SCAF11: variants seen among roughly 807,000 people sequenced by gnomAD.
SCAF11 encodes the protein SR-related CTD associated factor 11.
Under a neutral mutation model 140.5 loss-of-function variants are expected in SCAF11, and 47 were observed. The ratio of observed to expected loss-of-function variants is 0.33; its 90% confidence interval spans 0.26 to 0.43. The LOEUF (loss-of-function observed/expected upper bound fraction) is 0.43. SCAF11 is among the 20% of genes least tolerant of loss of function. The probability of loss-of-function intolerance (pLI) is 1.00; values close to 1 mark genes in which losing one functional copy is unlikely to be tolerated. For synonymous variants in SCAF11, 557 were observed against 579.4 expected (o/e 0.96, Z 0.55); for missense variants, 1,645 against 1,705.1 (o/e 0.96, Z 0.62).
intron 7 of SCAF11, 58 bp downstream of exon 7, chr12:45,934,389 C>A: frequency 7.2e-7 from 1 of 1,397,802 alleles, no homozygotes; most frequent in East Asian, 2.3e-5. Context: ...TATTTATGGA[C>A]TAAATAACCC....
At chr12:45,985,442 C>A (rs1457676281) in intron 1 of SCAF11, among the ~76,000 whole-genome samples, 1 of 152,146 alleles carries the variant, frequency 6.6e-6, no homozygotes, top group East Asian at 1.9e-4. Flanking sequence ...TTTTACCATT[C>A]TGTTTGAGCT....
rs750526320 is a variant in SCAF11 at position 45,948,432 on chromosome 12, C to G, written c.398+5G>C. On this transcript the variant is annotated splice_donor_5th_base_variant and intron_variant, in intron 5 of 14. Coordinates refer to ENST00000369367, the MANE Select transcript of SCAF11 (RefSeq NM_004719.3). ...TGCATTCCACTTCTAAAGTTAATCA[C>G]TAACCTTATACAGCTTTTAGAATTT... 6.3e-7 allele frequency: 1 copy of G among 1,577,656 alleles called. No homozygotes were observed. Among genetic ancestry groups the G allele is most frequent in the Non-Finnish European group, 8.7e-7 (1 of 1,150,756 alleles).
intron 1 of SCAF11, among the ~76,000 whole-genome samples, chr12:45,970,465 C>T (rs1029667918): frequency 6.6e-6 from 1 of 152,208 alleles, no homozygotes; most frequent in African/African-American, 2.4e-5. Flanking sequence ...CCATGACAGA[C>T]CCTACTATGG....
chr12:45,931,025 G>A (rs747411137), intron 10 of SCAF11: 1 of 152,100 alleles, frequency 6.6e-6, no homozygotes, highest in Non-Finnish European at 1.5e-5. Flanking sequence ...TTGATCTTTA[G>A]AACTTATTCT....
At chr12:45,976,536 AG>A (rs1275392655) in intron 1 of SCAF11, among the ~76,000 whole-genome samples, 1 of 152,136 alleles carries the variant, frequency 6.6e-6, no homozygotes, top group Non-Finnish European at 1.5e-5. Flanking sequence ...CACATGGAAA[AG>A]GGGTAACTAC....
intron 3 of SCAF11, chr12:45,954,882 C>G (rs969368744): frequency 3.3e-5 from 5 of 151,318 alleles, no homozygotes; most frequent in African/African-American, 9.7e-5. Flanking sequence ...ATCACACCTG[C>G]TCTGAGCCAT....
chr12:45,975,488 G>A (rs916990444), intron 1 of SCAF11: 1 of 171,134 alleles, frequency 5.8e-6, no homozygotes, highest in Non-Finnish European at 1.2e-5. Context: ...TTGCTGCTTC[G>A]CCTTGCACTT....
At chr12:45,965,999 A>T (rs1387053648) in intron 1 of SCAF11, among the ~76,000 whole-genome samples, 13 of 152,246 alleles carry the variant, frequency 8.5e-5, no homozygotes. Flanking sequence ...TTTTAATCCA[A>T]TCAATCTGAC....
Position 45,922,281 on chromosome 12 carries a change from A to G in SCAF11, c.4246-87T>C, listed in dbSNP as rs1944733579. On this transcript the variant is annotated intron_variant, in intron 14 of 14. Coordinates refer to ENST00000369367, the MANE Select transcript of SCAF11 (RefSeq NM_004719.3). ...GAAAGCTTTGTGAAAAACAACCCCA[A>G]AGAGATAACCAGACTTATTTTCATG... The G allele has an allele frequency of 2.0e-6, 3 of 1,483,504 alleles. No homozygotes were observed. The Admixed American group carries it at 7.7e-5, about 38-fold the overall frequency. 91.9% of individuals were successfully genotyped at this position (1,483,504 alleles called of 1,614,324 possible). A position where few individuals can be genotyped will look rare whatever the true frequency, so the allele number is the denominator to read the frequency against.
rs779141615 is a variant in SCAF11 at position 45,934,515 on chromosome 12, G to C, written c.464-10C>G. On this transcript the variant is annotated splice_polypyrimidine_tract_variant and intron_variant, in intron 6 of 14. Coordinates refer to ENST00000369367, the MANE Select transcript of SCAF11 (RefSeq NM_004719.3). ...CTGTATAAAGAGTTTCCTGTACAAA[G>C]ACATAAAAGGACTTGGTTACCTTGT... The C allele has an allele frequency of 9.1e-6, 14 of 1,541,210 alleles. No individual in the cohort carries two copies. Among genetic ancestry groups the C allele is most frequent in the Non-Finnish European group, 1.2e-5 (14 of 1,148,760 alleles).
At chr12:45,944,406 C>A (rs536596122) in intron 6 of SCAF11, among the ~76,000 whole-genome samples, 48 of 152,280 alleles carry the variant, frequency 3.2e-4, no homozygotes, top group African/African-American at 1.1e-3. Flanking sequence ...TAATTCTAAT[C>A]AAAAACAAAG....
intron 3 of SCAF11, chr12:45,961,350 A>G (rs897891273): frequency 7.0e-6 from 5 of 715,712 alleles, no homozygotes; most frequent in East Asian, 2.7e-5. Context: ...AAAAGCAGAC[A>G]GAAGGTGTTA....
At chr12:45,988,593 TAAA>T (rs1315570487) in intron 1 of SCAF11, among the ~76,000 whole-genome samples, 1 of 152,198 alleles carries the variant, frequency 6.6e-6, no homozygotes, top group Non-Finnish European at 1.5e-5. Flanking sequence ...CAGAAAAAAT[TAAA>T]AAATTATCCG....
At chr12:45,990,293 C>CCT in intron 1 of SCAF11, 60 bp downstream of exon 1, 1 of 1,231,304 alleles carries the variant, frequency 8.1e-7, no homozygotes, top group Non-Finnish European at 1.0e-6. Flanking sequence ...GGCCGCTAAC[C>CCT]CTCGTCTCTC....
chr12:45,984,593 T>A (rs1946420785), intron 1 of SCAF11, among the ~76,000 whole-genome samples: 1 of 152,234 alleles, frequency 6.6e-6, no homozygotes, highest in African/African-American at 2.4e-5. Flanking sequence ...GCCCATTCCT[T>A]ATTAAACTTG....
chr12:45,926,970 T>G lies in SCAF11; in HGVS notation c.2731A>C (p.Ser911Arg). ...TCTCTATCACTTTCTCGTTCTCTGC[T>G]CTGGGACCTGGATTTTTCTCCTGGG... ...SSPGEKSRSQ[S>R]RERESDRDGQ... Residue 911 changes from serine to arginine, a missense_variant, in exon 11 of 15, where the codon AGC becomes CGC. This residue lies in a region of SCAF11 where 1,582 missense variants were observed against 1,609.2 expected (regional missense o/e 0.98). Transcript: ENST00000369367. 6.2e-7 allele frequency: 1 copy of G among 1,612,774 alleles called. No homozygotes were observed. The highest frequency in any genetic ancestry group is 1.6e-4 in the Middle Eastern group (1 of 6,062).
intron 1 of SCAF11, among the ~76,000 whole-genome samples, chr12:45,970,131 T>G (rs1450100940): frequency 6.6e-6 from 1 of 152,154 alleles, no homozygotes; most frequent in Non-Finnish European, 1.5e-5. Context: ...CCTGACCTCG[T>G]GATCCACCCG....
rs1485265309 is a variant in SCAF11, at chr12:45,919,649, C to A, written c.*2399G>T. The A allele has an allele frequency of 6.6e-6, 1 of 152,176 alleles. No homozygotes were observed. The highest frequency in any genetic ancestry group is 1.5e-5 in the Non-Finnish European group (1 of 68,020). 9.4% of individuals were successfully genotyped at this position (152,176 alleles called of 1,614,324 possible). ...AACATAAAGCATGCATTTTCTAATACATTCTTAAACATTTCAAAATTTTAA... is the reference window on the plus strand; with the variant it reads ...AACATAAAGCATGCATTTTCTAATAAATTCTTAAACATTTCAAAATTTTAA... On this transcript the variant is annotated 3_prime_UTR_variant, in exon 15 of 15. Transcript: ENST00000369367.
intron 2 of SCAF11, among the ~76,000 whole-genome samples, chr12:45,962,645 A>G (rs1185757850): frequency 2.6e-5 from 4 of 152,234 alleles, no homozygotes; most frequent in Non-Finnish European, 4.4e-5. Flanking sequence ...AAATGTGAAC[A>G]GTAATATCAA....
Sources: allele counts gnomAD v4.1 joint callset (sites outside exome capture counted in the v4.1 genomes callset), GRCh38; gene constraint gnomAD v4.1.1; regional missense constraint gnomAD v4.1.1; transcripts MANE v1.5; gene names NCBI Gene and HGNC (gene_info 2026-07-23, HGNC 2026-07-21).